KATNAL1: variants seen among roughly 807,000 people sequenced by gnomAD.
The protein encoded by KATNAL1 is katanin p60 ATPase-containing subunit A-like 1.
A neutral mutation model predicts 55.2 loss-of-function variants in KATNAL1; 32 were observed. That is an observed-to-expected ratio of 0.58 (90% CI 0.44 to 0.78). KATNAL1 has a LOEUF of 0.78. Among genes scored for constraint, KATNAL1 ranks in the 30% least tolerant of loss-of-function variants. The probability of loss-of-function intolerance (pLI) is 0.00; values close to 1 mark genes in which losing one functional copy is unlikely to be tolerated. For missense variants in KATNAL1, 466 were observed against 600.9 expected (o/e 0.78, Z 2.35); for synonymous variants, 193 against 193.6 (o/e 1.00, Z 0.02).
At chr13:30,265,774 G>T (rs1879721809) in intron 3 of KATNAL1, among the ~76,000 whole-genome samples, 1 of 150,946 alleles carries the variant, frequency 6.6e-6, no homozygotes, top group Non-Finnish European at 1.5e-5. Flanking sequence ...ACTTTGGGAG[G>T]CTGAGGCGGG....
chr13:30,222,089 G>A (rs763718440), intron 9 of KATNAL1, among the ~76,000 whole-genome samples: 31 of 152,230 alleles, frequency 2.0e-4, no homozygotes, highest in Middle Eastern at 3.4e-3. Flanking sequence ...TTCTGAATGT[G>A]TCTGTGAACA....
In KATNAL1 at chr13:30,255,442, C is replaced by A; in HGVS notation, c.492+5G>T. 1 of 1,513,696 alleles carries A rather than the reference C, an allele frequency of 6.6e-7. No homozygotes were observed. Among genetic ancestry groups the A allele is most frequent in the Non-Finnish European group, 8.8e-7 (1 of 1,130,272 alleles). The allele number at this position is 1,513,696 out of a possible 1,614,324, so 93.8% of individuals were successfully genotyped here. A position where few individuals can be genotyped will look rare whatever the true frequency, so the allele number is the denominator to read the frequency against. ...TGAGTGAATTACAGAAAGACAGCAT[C>A]TTGCCTTGTCATCTCTCCCTCTTGC... is the stretch of plus-strand genomic sequence containing the variant. On this transcript the variant is annotated splice_donor_5th_base_variant and intron_variant, in intron 4 of 10. Coordinates refer to ENST00000380615, the MANE Select transcript of KATNAL1 (RefSeq NM_032116.5).
chr13:30,212,011 T>A (rs1355080328), intron 9 of KATNAL1, among the ~76,000 whole-genome samples: 1 of 152,202 alleles, frequency 6.6e-6, no homozygotes, highest in South Asian at 2.1e-4. Flanking sequence ...CAGCTGACTA[T>A]CCACAGGGAA....
intron 9 of KATNAL1, among the ~76,000 whole-genome samples, chr13:30,221,396 CTATT>C (rs1874841940): frequency 6.6e-6 from 1 of 152,184 alleles, no homozygotes; most frequent in Non-Finnish European, 1.5e-5. Context: ...TGCCAGATCA[CTATT>C]TAAAGGAAAA....
chr13:30,227,180 A>G (rs544469601), intron 9 of KATNAL1, among the ~76,000 whole-genome samples: 1 of 152,346 alleles, frequency 6.6e-6, no homozygotes, highest in East Asian at 1.9e-4. Context: ...GAAAAGTGAA[A>G]ACTTAAAAGT....
At chr13:30,271,467 A>G (rs113422183) in intron 3 of KATNAL1, among the ~76,000 whole-genome samples, 20,738 of 152,104 alleles carry the variant, frequency 0.14, 1,534 homozygotes, top group African/African-American at 0.21. Flanking sequence ...GGTGAAGGGG[A>G]AGAAGACACA....
At chr13:30,255,642 A>G in intron 3 of KATNAL1, 27 bp from the exon 4 acceptor site, 1 of 1,356,578 alleles carries the variant, frequency 7.4e-7, no homozygotes, top group Non-Finnish European at 9.5e-7. Flanking sequence ...AAAAAAAATT[A>G]AAATTAAAAT....
chr13:30,292,228 G>A (rs1420990110), intron 1 of KATNAL1, among the ~76,000 whole-genome samples: 1 of 152,178 alleles, frequency 6.6e-6, no homozygotes, highest in Non-Finnish European at 1.5e-5. Flanking sequence ...CTGAAACAAA[G>A]TGGCTATCCA....
chr13:30,271,361 G>T (rs1880340358), intron 3 of KATNAL1, among the ~76,000 whole-genome samples: 1 of 152,150 alleles, frequency 6.6e-6, no homozygotes, highest in African/African-American at 2.4e-5. Flanking sequence ...ACAAAGAAAA[G>T]AAGTGTAATT....
chr13:30,247,149 G>C (rs1877876396), intron 4 of KATNAL1, among the ~76,000 whole-genome samples: 1 of 152,138 alleles, frequency 6.6e-6, no homozygotes. Flanking sequence ...TACAGCTCCA[G>C]AATCAGTGCT....
At chr13:30,238,505 A>G (rs1876918586) in intron 6 of KATNAL1, among the ~76,000 whole-genome samples, 1 of 152,134 alleles carries the variant, frequency 6.6e-6, no homozygotes, top group African/African-American at 2.4e-5. Context: ...CTTTCTCACT[A>G]TATTCCACTG....
intron 6 of KATNAL1, among the ~76,000 whole-genome samples, chr13:30,233,839 A>C (rs1437952185): frequency 6.6e-6 from 1 of 152,224 alleles, no homozygotes; most frequent in Non-Finnish European, 1.5e-5. Flanking sequence ...AAATACACCA[A>C]GCACAAAAAG....
intron 3 of KATNAL1, among the ~76,000 whole-genome samples, chr13:30,269,992 GC>G (rs1880145573): frequency 6.7e-6 from 1 of 148,976 alleles, no homozygotes. Flanking sequence ...GAGCCCCTCT[GC>G]CCGGCCAGCC....
At chr13:30,232,592 T>A (rs1463662815) in intron 6 of KATNAL1, among the ~76,000 whole-genome samples, 1 of 152,182 alleles carries the variant, frequency 6.6e-6, no homozygotes, top group Non-Finnish European at 1.5e-5. Flanking sequence ...GCAAAGTTCT[T>A]ATTTCTCCGA....
At chr13:30,238,362 G>A (rs1052355487) in intron 6 of KATNAL1, among the ~76,000 whole-genome samples, 1 of 152,150 alleles carries the variant, frequency 6.6e-6, no homozygotes, top group Non-Finnish European at 1.5e-5. Flanking sequence ...ACTTGCTCAA[G>A]ATCACAGAAT....
chr13:30,216,121 A>C (rs554885263), intron 9 of KATNAL1, among the ~76,000 whole-genome samples: 32 of 152,310 alleles, frequency 2.1e-4, no homozygotes, highest in African/African-American at 7.2e-4. Context: ...ATTGAGCAAA[A>C]GAGGCAAGAT....
chr13:30,284,047 G>C (rs1418039420), intron 1 of KATNAL1, among the ~76,000 whole-genome samples: 2 of 151,920 alleles, frequency 1.3e-5, no homozygotes, highest in African/African-American at 2.4e-5. Flanking sequence ...TTTTAGTAGA[G>C]ATGGGTTTCA....
At chr13:30,211,028 G>C (rs1276803454) in intron 9 of KATNAL1, among the ~76,000 whole-genome samples, 1 of 152,182 alleles carries the variant, frequency 6.6e-6, no homozygotes, top group East Asian at 1.9e-4. Flanking sequence ...AACTGAATAA[G>C]TTCAAACATA....
chr13:30,245,952 G>A (rs1425460154), intron 4 of KATNAL1, among the ~76,000 whole-genome samples: 3 of 152,076 alleles, frequency 2.0e-5, no homozygotes, highest in Admixed American at 1.3e-4. Context: ...AATCAATATC[G>A]TGAAAATGGC....
Sources: allele counts gnomAD v4.1 joint callset (sites outside exome capture counted in the v4.1 genomes callset), GRCh38; gene constraint gnomAD v4.1.1; transcripts MANE v1.5; gene names NCBI Gene and HGNC (gene_info 2026-07-23, HGNC 2026-07-21).